The following CTNNA2 variants were observed in gnomAD, a reference collection of about 807,000 sequenced individuals.
The protein encoded by CTNNA2 is catenin alpha 2.
Under a neutral mutation model 101.0 loss-of-function variants are expected in CTNNA2, and 42 were observed. The observed-to-expected ratio is 0.42, with a 90% CI of 0.32 to 0.54. CTNNA2 has a LOEUF of 0.54. CTNNA2 is among the 20% of genes least tolerant of loss of function. The probability of loss-of-function intolerance (pLI) is 0.14; values close to 1 mark genes in which losing one functional copy is unlikely to be tolerated. For missense variants in CTNNA2, 871 were observed against 1,223.1 expected, an observed-to-expected ratio of 0.71 and a Z score of 4.29; for synonymous variants, 450 against 456.4, an observed-to-expected ratio of 0.99 and a Z score of 0.18.
chr2:80,176,275 C>G (rs1389631728), intron 7 of CTNNA2, among the ~76,000 whole-genome samples: 1 of 152,080 alleles, frequency 6.6e-6, no homozygotes, highest in Non-Finnish European at 1.5e-5. Context: ...AATTCCCAAC[C>G]CAAATGCTAT....
intron 1 of CTNNA2, among the ~76,000 whole-genome samples, chr2:79,621,439 G>A (rs74428719): frequency 0.013 from 1,980 of 152,100 alleles, 54 homozygotes; most frequent in African/African-American, 0.046. Flanking sequence ...ACAATGATGG[G>A]GACACATGTC....
chr2:79,782,437 A>T (rs531241915), intron 3 of CTNNA2, among the ~76,000 whole-genome samples: 9 of 152,154 alleles, frequency 5.9e-5, no homozygotes, highest in Non-Finnish European at 1.2e-4. Flanking sequence ...GGGTTTCATC[A>T]TGTTGGCCAG....
chr2:79,220,008 T>C (rs888940432), intron 2 of CTNNA2, among the ~76,000 whole-genome samples: 4 of 152,214 alleles, frequency 2.6e-5, no homozygotes, highest in Admixed American at 1.3e-4. Context: ...CATATGTCTA[T>C]TGATATTGCC....
At chr2:79,711,781 C>G (rs1449024811) in intron 2 of CTNNA2, among the ~76,000 whole-genome samples, 1 of 152,104 alleles carries the variant, frequency 6.6e-6, no homozygotes, top group Non-Finnish European at 1.5e-5. Context: ...CTCAACTCGG[C>G]TGTTGTGGGG....
intron 3 of CTNNA2, among the ~76,000 whole-genome samples, chr2:79,749,910 A>G (rs1004201939): frequency 6.6e-6 from 1 of 152,208 alleles, no homozygotes; most frequent in Non-Finnish European, 1.5e-5. Context: ...AGCAATGTGT[A>G]CTACCTTTTG....
At chr2:79,590,844 T>C (rs2103980491) in intron 1 of CTNNA2, among the ~76,000 whole-genome samples, 1 of 152,332 alleles carries the variant, frequency 6.6e-6, no homozygotes, top group African/African-American at 2.4e-5. Context: ...AAATGAGATA[T>C]TACCAAAACC....
At chr2:80,481,365 A>G (rs1686128440) in intron 9 of CTNNA2, among the ~76,000 whole-genome samples, 1 of 152,118 alleles carries the variant, frequency 6.6e-6, no homozygotes, top group African/African-American at 2.4e-5. Context: ...TAAAATGGTG[A>G]TAATAATAGT....
intron 2 of CTNNA2, among the ~76,000 whole-genome samples, chr2:79,682,906 C>T (rs985902896): frequency 6.6e-5 from 10 of 152,046 alleles, no homozygotes; most frequent in African/African-American, 2.4e-4. Flanking sequence ...ACTTTTCCTA[C>T]TTGCAAAAAT....
At chr2:80,349,513 A>G (rs1216455807) in intron 7 of CTNNA2, among the ~76,000 whole-genome samples, 3 of 152,198 alleles carry the variant, frequency 2.0e-5, no homozygotes, top group East Asian at 1.9e-4. Flanking sequence ...TACAATCACC[A>G]TGTTTATGAG....
At chr2:80,359,437 G>A (rs927126001) in intron 7 of CTNNA2, among the ~76,000 whole-genome samples, 36 of 152,164 alleles carry the variant, frequency 2.4e-4, no homozygotes, top group Admixed American at 4.6e-4. Context: ...TGTTGGAGGC[G>A]GAGCCTGGTG....
At chr2:79,448,237 ACT>A (rs1291740522) in intron 4 of CTNNA2, among the ~76,000 whole-genome samples, 3 of 151,964 alleles carry the variant, frequency 2.0e-5, no homozygotes, top group Admixed American at 6.6e-5. Context: ...TGTGAAGGAA[ACT>A]CTCTCTGTAT....
intron 1 of CTNNA2, among the ~76,000 whole-genome samples, chr2:79,517,000 G>A (rs984093102): frequency 6.6e-6 from 1 of 152,014 alleles, no homozygotes; most frequent in Non-Finnish European, 1.5e-5. Context: ...ATTGGTGTCC[G>A]AGATTATTAA....
rs1163442966 is a variant in CTNNA2, at chr2:79,982,230, ATATATATATATG to A, written c.1056+72437_1056+72448del. Among the ~76,000 whole-genome samples, 934 of 96,414 alleles carry A rather than the reference ATATATATATATG, an allele frequency of 9.7e-3. 26 individuals carry two copies. Among genetic ancestry groups the A allele is most frequent in the African/African-American group, 0.015 (316 of 21,534 alleles). 63.3% of individuals were successfully genotyped at this position (96,414 alleles called of 152,430 possible). On this transcript the variant is annotated intron_variant, in intron 7 of 18. Coordinates refer to ENST00000402739, the MANE Select transcript of CTNNA2 (RefSeq NM_001282597.3). ...TATATATATATATATATATATATAT[ATATATATATATG>A]TATGTATATGTACACACACACATAA...
At chr2:79,630,611 GA>G (rs1293383631) in intron 1 of CTNNA2, among the ~76,000 whole-genome samples, 1 of 152,166 alleles carries the variant, frequency 6.6e-6, no homozygotes, top group Non-Finnish European at 1.5e-5. Context: ...AGTGCTAAAA[GA>G]AGAATTTGGG....
chr2:80,640,459 C>G (rs999428592), intron 18 of CTNNA2, among the ~76,000 whole-genome samples: 1 of 152,180 alleles, frequency 6.6e-6, no homozygotes, highest in Admixed American at 6.5e-5. Context: ...TATAAACATT[C>G]TGAGATAACT....
chr2:79,585,122 C>A (rs1467858562), intron 1 of CTNNA2, among the ~76,000 whole-genome samples: 1 of 152,032 alleles, frequency 6.6e-6, no homozygotes, highest in East Asian at 1.9e-4. Flanking sequence ...TCTTTTGGTT[C>A]ATTAAATATA....
intron 2 of CTNNA2, among the ~76,000 whole-genome samples, chr2:79,303,749 T>C (rs1369429187): frequency 6.6e-6 from 1 of 151,888 alleles, no homozygotes; most frequent in African/African-American, 2.4e-5. Flanking sequence ...GCAATTTTAT[T>C]ACTTACAGAT....
At chr2:79,682,072 A>G (rs961607781) in intron 2 of CTNNA2, among the ~76,000 whole-genome samples, 2 of 152,216 alleles carry the variant, frequency 1.3e-5, no homozygotes, top group East Asian at 3.9e-4. Flanking sequence ...ACAATCTTTA[A>G]AACTTTTTAG....
At chr2:80,434,891 C>A (rs1681898374) in intron 9 of CTNNA2, among the ~76,000 whole-genome samples, 1 of 152,122 alleles carries the variant, frequency 6.6e-6, no homozygotes, top group African/African-American at 2.4e-5. Flanking sequence ...CTGGCCCGGC[C>A]TCATTTCCTC....
Sources: allele counts gnomAD v4.1 joint callset (sites outside exome capture counted in the v4.1 genomes callset), GRCh38; gene constraint gnomAD v4.1.1; transcripts MANE v1.5; gene names NCBI Gene and HGNC (gene_info 2026-07-23, HGNC 2026-07-21).